Variants in UPRT observed in about 807,000 individuals in gnomAD.
UPRT encodes the protein RP11-311P8.3.
UPRT carries 5 observed loss-of-function variants against 22.6 expected under a neutral mutation model. That is an observed-to-expected ratio of 0.22 (90% confidence interval 0.12 to 0.47). The LOEUF (loss-of-function observed/expected upper bound fraction) is 0.47. UPRT is among the 20% of genes least tolerant of loss of function. UPRT has a pLI of 0.99. For missense variants in UPRT, 181 were observed against 239.9 expected (o/e 0.75, Z 1.62); for synonymous variants, 77 against 87.7 (o/e 0.88, Z 0.68).
chrX:75,251,221 G>C (rs768391132), intron 4 of UPRT, among the ~76,000 whole-genome samples: 1 of 111,435 alleles, frequency 9.0e-6, no homozygotes, highest in African/African-American at 3.3e-5. Context: ...GGGCAATCAG[G>C]CAGGAGAAGG....
rs1359084546 is a variant in UPRT, at chrX:75,203,504, ACACACACACACT to A, written c.-447+35637_-447+35648del. 1.5e-3 allele frequency among the ~76,000 whole-genome samples: 150 copies of A among 102,458 alleles called. 1 individual carries two copies. Among genetic ancestry groups the A allele is most frequent in the African/African-American group, 6.0e-3 (146 of 24,468 alleles). 89.0% of individuals were successfully genotyped at this position (102,458 alleles called of 115,157 possible). ...AAGACACACACACACACACACACAC[ACACACACACACT>A]CACACACACACACACACACACACAC... is the stretch of plus-strand genomic sequence containing the variant. On this transcript the variant is annotated intron_variant, in intron 4 of 13. Coordinates refer to the UPRT transcript ENST00000652605.
At chrX:75,186,428 A>T (rs2082291901) in intron 4 of UPRT, among the ~76,000 whole-genome samples, 1 of 110,628 alleles carries the variant, frequency 9.0e-6, no homozygotes, top group East Asian at 2.8e-4. Flanking sequence ...TGCTGAGGAG[A>T]GCTTTACTTC....
intron 4 of UPRT, among the ~76,000 whole-genome samples, chrX:75,181,658 G>A (rs1235016163): frequency 9.0e-6 from 1 of 111,428 alleles, no homozygotes; most frequent in South Asian, 3.8e-4. Context: ...GATGTTGTTG[G>A]TGTATAGGAA....
At chrX:75,296,098 A>G (rs1383037088) in intron 2 of UPRT, among the ~76,000 whole-genome samples, 6 of 111,584 alleles carry the variant, frequency 5.4e-5, no homozygotes, top group African/African-American at 1.6e-4. Flanking sequence ...TGAGAATCAG[A>G]AGGAATATTG....
At chrX:75,256,765 C>G (rs760886251) in intron 4 of UPRT, among the ~76,000 whole-genome samples, 2 of 111,569 alleles carry the variant, frequency 1.8e-5, no homozygotes, top group South Asian at 3.7e-4. Flanking sequence ...ACTAGAAAAC[C>G]TAGAAGAGAT....
At chrX:75,261,155 A>C (rs1344503029) in intron 4 of UPRT, among the ~76,000 whole-genome samples, 1 of 112,021 alleles carries the variant, frequency 8.9e-6, no homozygotes, top group African/African-American at 3.2e-5. Context: ...AAAGCAGGAA[A>C]GATCCAAAAT....
intron 4 of UPRT, among the ~76,000 whole-genome samples, chrX:75,223,184 T>C (rs1279483215): frequency 9.1e-6 from 1 of 109,848 alleles, no homozygotes; most frequent in Non-Finnish European, 1.9e-5. Flanking sequence ...AGCTGCCCTA[T>C]CCTGCTGTGG....
intron 2 of UPRT, among the ~76,000 whole-genome samples, chrX:75,293,882 A>T (rs1249448367): frequency 9.0e-6 from 1 of 111,624 alleles, no homozygotes. Context: ...TATCCAACGA[A>T]TGTACAAAAA....
At position 75,296,400 on chromosome X, in the gene UPRT, C is replaced by A. The variant is rs1390713090; in HGVS notation, c.488C>A (p.Thr163Asn). The A allele has an allele frequency of 8.3e-7, 1 of 1,208,677 alleles. No individual in the cohort carries two copies. ...CTGCCATATAAAGAATGCATGGTGA[C>A]CACTCCAACAGGTAACTAGGGCTGT... ...NQLPYKECMV[T>N]TPTGYKYEGV... The change falls in exon 3 of 7, where the codon ACC becomes AAC. Residue 163 changes from threonine to asparagine, a missense_variant. This residue lies in a region of UPRT where 70 missense variants were observed against 137.0 expected (regional missense o/e 0.51). Transcript: ENST00000373383.
intron 1 of UPRT, among the ~76,000 whole-genome samples, chrX:75,275,000 C>T (rs1164125713): frequency 9.0e-6 from 1 of 110,645 alleles, no homozygotes; most frequent in East Asian, 2.9e-4. Flanking sequence ...ACATGGTAAA[C>T]CTATAACCCA....
intron 4 of UPRT, among the ~76,000 whole-genome samples, chrX:75,179,848 C>T (rs1302305829): frequency 8.9e-6 from 1 of 112,991 alleles, no homozygotes; most frequent in Non-Finnish European, 1.9e-5. Context: ...ACCCGGAACT[C>T]CAGCTGGCCC....
At chrX:75,293,788 A>C (rs1181365011) in intron 2 of UPRT, among the ~76,000 whole-genome samples, 1 of 111,893 alleles carries the variant, frequency 8.9e-6, no homozygotes, top group Non-Finnish European at 1.9e-5. Context: ...AGTTTCAGCA[A>C]TTCTTAAGTG....
At chrX:75,230,223 C>T (rs2082434099) in intron 4 of UPRT, among the ~76,000 whole-genome samples, 1 of 111,206 alleles carries the variant, frequency 9.0e-6, no homozygotes, top group Non-Finnish European at 1.9e-5. Flanking sequence ...GGCCTGAGAA[C>T]CCTCTCACCC....
At chrX:75,216,333 C>T (rs2082392766) in intron 4 of UPRT, among the ~76,000 whole-genome samples, 1 of 111,920 alleles carries the variant, frequency 8.9e-6, no homozygotes, top group South Asian at 3.7e-4. Flanking sequence ...CCAGTCTCAG[C>T]AAATTCAGAA....
intron 4 of UPRT, among the ~76,000 whole-genome samples, chrX:75,238,047 A>G (rs1217030739): frequency 1.8e-5 from 2 of 111,678 alleles, no homozygotes; most frequent in Non-Finnish European, 3.8e-5. Context: ...ATCTCACAGA[A>G]CCTATAAAAC....
intron 4 of UPRT, among the ~76,000 whole-genome samples, chrX:75,257,338 T>A (rs957917434): frequency 9.0e-5 from 10 of 111,721 alleles, no homozygotes; most frequent in Non-Finnish European, 1.9e-5. Context: ...ATTGAAACTT[T>A]CACGAAAACT....
At chrX:75,206,265 G>A (rs1174444905) in intron 4 of UPRT, among the ~76,000 whole-genome samples, 1 of 111,188 alleles carries the variant, frequency 9.0e-6, no homozygotes. Context: ...ATCTACTATT[G>A]TTAGAAGGTA....
intron 4 of UPRT, among the ~76,000 whole-genome samples, chrX:75,268,427 G>A (rs1048322623): frequency 1.3e-4 from 14 of 110,823 alleles, no homozygotes; most frequent in African/African-American, 3.3e-4. Context: ...CATCATCCTG[G>A]TACCACAACC....
chrX:75,248,822 A>T (rs2082517050), intron 4 of UPRT, among the ~76,000 whole-genome samples: 1 of 112,144 alleles, frequency 8.9e-6, no homozygotes, highest in African/African-American at 3.2e-5. Flanking sequence ...AGGTCGGGTT[A>T]TCCACAAAGG....
Sources: allele counts gnomAD v4.1 joint callset (sites outside exome capture counted in the v4.1 genomes callset), GRCh38; gene constraint gnomAD v4.1.1; regional missense constraint gnomAD v4.1.1; transcripts MANE v1.5; gene names NCBI Gene and HGNC (gene_info 2026-07-23, HGNC 2026-07-21).